The following FGD6 variants were observed in gnomAD, a reference collection of about 807,000 sequenced individuals.
The protein encoded by FGD6 is FYVE, RhoGEF and PH domain containing 6, also known as FYVE, RhoGEF and PH domain-containing protein 6.
In FGD6, 90 loss-of-function variants were observed where a neutral mutation model predicts 149.4. The observed-to-expected ratio is 0.60, with a 90% confidence interval of 0.51 to 0.72. The LOEUF is 0.72. Ranked by LOEUF, FGD6 falls within the 30% of genes least tolerant of loss-of-function variation. FGD6 has a pLI of 0.00. For synonymous variants in FGD6, 527 were observed against 584.0 expected, an observed-to-expected ratio of 0.90 and a Z score of 1.41; for missense variants, 1,437 against 1,684.8, an observed-to-expected ratio of 0.85 and a Z score of 2.57.
intron 2 of FGD6, among the ~76,000 whole-genome samples, chr12:95,206,014 G>A (rs758889138): frequency 2.6e-5 from 4 of 152,072 alleles, no homozygotes; most frequent in African/African-American, 7.2e-5. Flanking sequence ...GGCTGGCTGC[G>A]TCCATTAACC....
chr12:95,121,462 A>AAT (rs1425869453), intron 8 of FGD6, among the ~76,000 whole-genome samples: 2 of 60,320 alleles, frequency 3.3e-5, no homozygotes, highest in African/African-American at 1.9e-4. Flanking sequence ...AAAAAAAAAA[A>AAT]AGATATATAT....
At chr12:95,111,072 T>A (rs1878807559) in intron 9 of FGD6, among the ~76,000 whole-genome samples, 1 of 152,060 alleles carries the variant, frequency 6.6e-6, no homozygotes, top group Admixed American at 6.6e-5. Flanking sequence ...AACCTCCATC[T>A]CCCAGGTTCA....
intron 14 of FGD6, among the ~76,000 whole-genome samples, chr12:95,101,927 C>T (rs7294613): frequency 0.73 from 110,932 of 151,676 alleles, 40,771 homozygotes; most frequent in African/African-American, 0.78. Flanking sequence ...GTGATCCACC[C>T]GCCTCGGCCT....
chr12:95,151,464 A>T (rs7312034), intron 5 of FGD6, among the ~76,000 whole-genome samples: 112 of 152,188 alleles, frequency 7.4e-4, no homozygotes, highest in African/African-American at 2.6e-3. Context: ...GATGGGTTTT[A>T]GCCATGTTGG....
chr12:95,208,275 A>G (rs1334207612), intron 2 of FGD6, among the ~76,000 whole-genome samples: 1 of 152,034 alleles, frequency 6.6e-6, no homozygotes, highest in Non-Finnish European at 1.5e-5. Context: ...TTTTTTAATT[A>G]AATTATTTTA....
At chr12:95,105,288 G>A (rs1878575678) in intron 13 of FGD6, among the ~76,000 whole-genome samples, 1 of 152,088 alleles carries the variant, frequency 6.6e-6, no homozygotes, top group South Asian at 2.1e-4. Flanking sequence ...CCACCTCCAG[G>A]ACTTTGCTCA....
At chr12:95,155,880 T>C (rs1055218885) in intron 3 of FGD6, among the ~76,000 whole-genome samples, 13 of 152,214 alleles carry the variant, frequency 8.5e-5, no homozygotes, top group African/African-American at 3.1e-4. Flanking sequence ...CGGACATTTA[T>C]TAGTTCCCCA....
At position 95,155,397 on chromosome 12, in the gene FGD6, G is replaced by A. The variant is rs971060680; in HGVS notation, c.2587-2404C>T. ...CAAAAAATTAGCTGGGTGTGGTGGC[G>A]CATGCCTGTAGTCCCAGCTACTCGG... On this transcript the variant is annotated intron_variant, in intron 3 of 20. Transcript: ENST00000343958. Among the ~76,000 whole-genome samples the A allele has an allele frequency of 1.4e-4, 21 of 152,162 alleles. No homozygotes were observed. The East Asian group carries it at 3.3e-3, about 24-fold the overall frequency.
Position 95,207,629 on chromosome 12 carries a change from C to T in FGD6, c.2441+1214G>A, listed in dbSNP as rs1031044731. On this transcript the variant is annotated intron_variant, in intron 2 of 20. Transcript: ENST00000343958. ...CTCTTGGCCTATTTTCATTCATTCT[C>T]TCTTAGACCCAATCAACATCTACTG... 2.0e-5 allele frequency among the ~76,000 whole-genome samples: 3 copies of T among 152,226 alleles called. No individual in the cohort carries two copies. The East Asian group carries it at 5.8e-4, about 29-fold the overall frequency.
At chr12:95,114,571 G>A (rs1878949989) in intron 8 of FGD6, among the ~76,000 whole-genome samples, 1 of 151,666 alleles carries the variant, frequency 6.6e-6, no homozygotes, top group African/African-American at 2.4e-5. Flanking sequence ...ATATCAATAG[G>A]TCTGAAGTTG....
chr12:95,124,588 AG>A (rs752067567), intron 8 of FGD6, among the ~76,000 whole-genome samples: 4 of 152,158 alleles, frequency 2.6e-5, no homozygotes, highest in Admixed American at 1.3e-4. Context: ...CCAGCAACAG[AG>A]GCAATTGGTT....
At chr12:95,098,370 C>T (rs1878311196) in intron 14 of FGD6, among the ~76,000 whole-genome samples, 1 of 152,144 alleles carries the variant, frequency 6.6e-6, no homozygotes, top group African/African-American at 2.4e-5. Context: ...TTAAAAAATG[C>T]CAATCTGATC....
At chr12:95,168,335 G>A (rs1323972384) in intron 3 of FGD6, among the ~76,000 whole-genome samples, 3 of 152,158 alleles carry the variant, frequency 2.0e-5, no homozygotes, top group African/African-American at 7.2e-5. Flanking sequence ...CTTGATTTGA[G>A]ATGTTTAAGA....
In FGD6 at chr12:95,078,232, T is replaced by C. The variant is rs1424412737; in HGVS notation, c.*3288A>G. The stretch of plus-strand genomic sequence containing the variant: ...GAAGACAGTGATATATTAAGTACAG[T>C]ATCTGCCTTCAAGGAGTGTGTGGTA... On this transcript the variant is annotated 3_prime_UTR_variant, in exon 21 of 21. Transcript: ENST00000343958. 6.6e-6 allele frequency: 1 copy of C among 152,156 alleles called. No individual in the cohort carries two copies. The highest frequency in any genetic ancestry group is 1.5e-5 in the Non-Finnish European group (1 of 68,026). The allele number at this position is 152,156 out of a possible 1,614,324, so 9.4% of individuals were successfully genotyped here. A position where few individuals can be genotyped will look rare whatever the true frequency, so the allele number is the denominator to read the frequency against.
At chr12:95,188,327 A>T (rs1307441542) in intron 2 of FGD6, among the ~76,000 whole-genome samples, 1 of 152,154 alleles carries the variant, frequency 6.6e-6, no homozygotes, top group Non-Finnish European at 1.5e-5. Flanking sequence ...AAACCAGAAA[A>T]CAGTAAGTAA....
chr12:95,164,898 T>C (rs1880761595), intron 3 of FGD6, among the ~76,000 whole-genome samples: 1 of 152,194 alleles, frequency 6.6e-6, no homozygotes, highest in South Asian at 2.1e-4. Flanking sequence ...AACAATGCTC[T>C]CTTAGGTTTT....
At chr12:95,110,251 C>T (rs1022720605) in intron 9 of FGD6, among the ~76,000 whole-genome samples, 3 of 151,970 alleles carry the variant, frequency 2.0e-5, no homozygotes, top group Non-Finnish European at 4.4e-5. Flanking sequence ...GCTGGGATTA[C>T]AGGTGTGAGC....
intron 14 of FGD6, among the ~76,000 whole-genome samples, chr12:95,099,697 C>A (rs151134828): frequency 2.0e-5 from 3 of 152,222 alleles, no homozygotes; most frequent in Non-Finnish European, 4.4e-5. Flanking sequence ...TACCTGGCTG[C>A]CCAACTTCTA....
At chr12:95,117,345 A>G (rs1190122051) in intron 8 of FGD6, among the ~76,000 whole-genome samples, 1 of 152,128 alleles carries the variant, frequency 6.6e-6, no homozygotes, top group East Asian at 1.9e-4. Context: ...CTCCATCACC[A>G]TCACCCAACA....
Sources: gnomAD v4.1 joint callset for allele counts (sites outside exome capture counted in the v4.1 genomes callset) on GRCh38, gnomAD v4.1.1 for gene constraint, MANE v1.5 for transcripts, NCBI Gene and HGNC (gene_info 2026-07-23, HGNC 2026-07-21) for gene names.